S100Z: variants seen among roughly 807,000 people sequenced by gnomAD.
S100Z encodes the protein protein S100-Z.
A neutral mutation model predicts 8.5 loss-of-function variants in S100Z; 11 were observed. The observed-to-expected ratio is 1.30, with a 90% confidence interval of 0.82 to 2.15. The LOEUF is 2.15. Among genes scored for constraint, S100Z ranks in the 30% most tolerant of loss-of-function variants. The probability of loss-of-function intolerance (pLI) is 0.00; values close to 1 mark genes in which losing one functional copy is unlikely to be tolerated. For synonymous variants in S100Z, 34 were observed against 43.8 expected, an observed-to-expected ratio of 0.78 and a Z score of 0.89; for missense variants, 126 against 117.9, an observed-to-expected ratio of 1.07 and a Z score of -0.32.
In S100Z at chr5:76,864,634, G is replaced by C. The variant is rs543132304; in HGVS notation, c.-175-5532G>C. Among the ~76,000 whole-genome samples the C allele has an allele frequency of 1.7e-3, 253 of 152,094 alleles. 1 individual carries two copies. The highest frequency in any genetic ancestry group is 5.8e-3 in the African/African-American group (242 of 41,524). The stretch of plus-strand genomic sequence containing the variant: ...GCCTAGGCTGGTCTCAAACTCCTGA[G>C]CTCAAGCGAGCCACCCGCCTCAGCC... On this transcript the variant is annotated intron_variant, in intron 1 of 4. Coordinates refer to ENST00000317593, the MANE Select transcript of S100Z (RefSeq NM_130772.4).
chr5:76,897,148 G>C (rs978787601), intron 4 of S100Z, among the ~76,000 whole-genome samples: 2 of 152,038 alleles, frequency 1.3e-5, no homozygotes, highest in Non-Finnish European at 2.9e-5. Context: ...GGTCTTTTGT[G>C]GGTTCATTTA....
chr5:76,922,528 T>TTGTTTGTG (rs1224803330), downstream of S100Z, among the ~76,000 whole-genome samples: 1 of 151,854 alleles, frequency 6.6e-6, no homozygotes, highest in Non-Finnish European at 1.5e-5. Flanking sequence ...TGTTGTTTGT[T>TTGTTTGTG]TGTTTGTTTG....
intron 4 of S100Z, among the ~76,000 whole-genome samples, chr5:76,908,474 C>A (rs536007067): frequency 6.6e-6 from 1 of 152,186 alleles, no homozygotes; most frequent in African/African-American, 2.4e-5. Flanking sequence ...GTCTCTGGTG[C>A]TTTTCTAGTT....
In S100Z at chr5:76,882,902, G is replaced by A. The variant is rs555513815; in HGVS notation, c.*2+5068G>A. Among the ~76,000 whole-genome samples, 237 of 152,276 alleles carry A rather than the reference G, an allele frequency of 1.6e-3. 1 individual carries two copies. Among genetic ancestry groups the A allele is most frequent in the Non-Finnish European group, 3.0e-3 (207 of 68,026 alleles). On this transcript the variant is annotated intron_variant, in intron 4 of 4. Coordinates refer to ENST00000317593, the MANE Select transcript of S100Z (RefSeq NM_130772.4). ...AATAAGGGGTTATGGAGGGGTTGTG[G>A]AGGGTGGTATTGAGGATAGGAGAGT...
chr5:76,872,342 T>C (rs1232228089), intron 2 of S100Z, among the ~76,000 whole-genome samples: 1 of 152,108 alleles, frequency 6.6e-6, no homozygotes, highest in Non-Finnish European at 1.5e-5. Flanking sequence ...TGGTCACTCA[T>C]ATCGGCTCAA....
At chr5:76,938,310 C>T in the S100Z span, among the ~76,000 whole-genome samples, 1 of 152,092 alleles carries the variant, frequency 6.6e-6, no homozygotes, top group African/African-American at 2.4e-5. Flanking sequence ...TCTTTATGTC[C>T]AGTTCTTACT....
intron 4 of S100Z, among the ~76,000 whole-genome samples, chr5:76,901,702 A>T (rs992210497): frequency 2.0e-5 from 3 of 152,192 alleles, no homozygotes; most frequent in Non-Finnish European, 4.4e-5. Flanking sequence ...AAGAACCCTC[A>T]TGGTGCTCTA....
chr5:76,895,579 A>G (rs966772141), intron 4 of S100Z, among the ~76,000 whole-genome samples: 1 of 151,976 alleles, frequency 6.6e-6, no homozygotes, highest in Non-Finnish European at 1.5e-5. Context: ...GGTATATAGT[A>G]GGTGTATATA....
chr5:76,929,995 A>C, the S100Z span, among the ~76,000 whole-genome samples: 1 of 152,244 alleles, frequency 6.6e-6, no homozygotes, highest in Non-Finnish European at 1.5e-5. Context: ...AATGTTAATA[A>C]AAACTTCTTG....
At chr5:76,929,234 A>G in the S100Z span, among the ~76,000 whole-genome samples, 1 of 152,214 alleles carries the variant, frequency 6.6e-6, no homozygotes, top group African/African-American at 2.4e-5. Flanking sequence ...GGATTTTTAC[A>G]TGGCAGAGAG....
chr5:76,881,912 A>G (rs1396284017), intron 4 of S100Z, among the ~76,000 whole-genome samples: 1 of 152,190 alleles, frequency 6.6e-6, no homozygotes, highest in Non-Finnish European at 1.5e-5. Flanking sequence ...TTGGAAGTAA[A>G]GCGGCCTTGA....
chr5:76,879,205 G>A (rs994579648), intron 4 of S100Z, among the ~76,000 whole-genome samples: 4 of 152,146 alleles, frequency 2.6e-5, no homozygotes, highest in Non-Finnish European at 1.5e-5. Context: ...TTGTTGGGAT[G>A]TGGATGTGAG....
At position 76,864,386 on chromosome 5, in the gene S100Z, A is replaced by ATTTTTTTTTT. The variant is rs56206322; in HGVS notation, c.-175-5756_-175-5747dup. On this transcript the variant is annotated intron_variant, in intron 1 of 4. Transcript: ENST00000317593. ...TATGTTACTGCTTAATGCATACTAT[A>ATTTTTTTTTT]TTTTTTTTTTTTTTTTTTTTTTTTT... Among the ~76,000 whole-genome samples, 17 of 72,172 alleles carry ATTTTTTTTTT rather than the reference A, an allele frequency of 2.4e-4. 2 individuals carry two copies. Among genetic ancestry groups the ATTTTTTTTTT allele is most frequent in the East Asian group, 4.7e-4 (1 of 2,132 alleles). 47.3% of individuals were successfully genotyped at this position (72,172 alleles called of 152,430 possible). A position where few individuals can be genotyped will look rare whatever the true frequency, so the allele number is the denominator to read the frequency against.
chr5:76,900,664 A>C (rs1744197891), intron 4 of S100Z, among the ~76,000 whole-genome samples: 1 of 152,122 alleles, frequency 6.6e-6, no homozygotes. Context: ...GAGTTTCTTC[A>C]ACATAGCTAT....
chr5:76,906,308 G>A (rs1021384408), intron 4 of S100Z, among the ~76,000 whole-genome samples: 1 of 151,914 alleles, frequency 6.6e-6, no homozygotes, highest in Admixed American at 6.6e-5. Context: ...TAATCTCTTG[G>A]CAATTTTCAA....
chr5:76,882,491 A>T (rs916873845), intron 4 of S100Z, among the ~76,000 whole-genome samples: 1 of 152,214 alleles, frequency 6.6e-6, no homozygotes, highest in Non-Finnish European at 1.5e-5. Flanking sequence ...CTGTGGGGTC[A>T]GCTAGGTTTC....
the S100Z span, among the ~76,000 whole-genome samples, chr5:76,936,186 G>T: frequency 3.9e-5 from 6 of 152,046 alleles, no homozygotes; most frequent in South Asian, 1.0e-3. Context: ...AAATAATATC[G>T]TATGCGAGTA....
chr5:76,906,611 G>A (rs1031615782), intron 4 of S100Z, among the ~76,000 whole-genome samples: 7 of 149,804 alleles, frequency 4.7e-5, no homozygotes, highest in East Asian at 2.0e-4. Flanking sequence ...CACAATTTCC[G>A]TGTTTTTTGT....
At position 76,867,309 on chromosome 5, in the gene S100Z, C is replaced by T. The variant is rs146579860; in HGVS notation, c.-175-2857C>T. Among the ~76,000 whole-genome samples the T allele has an allele frequency of 2.0e-3, 303 of 152,264 alleles. 1 individual carries two copies. Among genetic ancestry groups the T allele is most frequent in the Admixed American group, 4.0e-3 (61 of 15,284 alleles). On this transcript the variant is annotated intron_variant, in intron 1 of 4. Transcript: ENST00000317593. ...ATGATAGAACATTTGAATCTGGTTA[C>T]ATAAAAAGACAAAAACTGGAGAGTT...
Sources: allele counts gnomAD v4.1 joint callset (sites outside exome capture counted in the v4.1 genomes callset), GRCh38; gene constraint gnomAD v4.1.1; transcripts MANE v1.5; gene names NCBI Gene and HGNC (gene_info 2026-07-23, HGNC 2026-07-21).